Variants in PKHD1L1 observed in about 807,000 individuals in gnomAD.
PKHD1L1 encodes the protein PKHD1 like 1, also known as fibrocystin-L.
A neutral mutation model predicts 462.9 loss-of-function variants in PKHD1L1; 434 were observed. The observed-to-expected ratio is 0.94, with a 90% CI of 0.87 to 1.02. The LOEUF is 1.02. Ranked by LOEUF, PKHD1L1 falls within the 50% of genes least tolerant of loss-of-function variation. The pLI, the probability that PKHD1L1 is intolerant of heterozygous loss-of-function variation, is 0.00. For synonymous variants in PKHD1L1, 1,781 were observed against 1,750.0 expected, an observed-to-expected ratio of 1.02 and a Z score of -0.44; for missense variants, 5,202 against 5,096.1, an observed-to-expected ratio of 1.02 and a Z score of -0.63.
intron 70 of PKHD1L1, among the ~76,000 whole-genome samples, chr8:109,510,372 C>T (rs976400351): frequency 1.3e-5 from 2 of 152,112 alleles, no homozygotes; most frequent in African/African-American, 4.8e-5. Flanking sequence ...AATTCCCACT[C>T]AAGCTTATAT....
intron 58 of PKHD1L1, 32 bp downstream of exon 58, chr8:109,485,205 A>G: frequency 6.8e-7 from 1 of 1,468,410 alleles, no homozygotes; most frequent in East Asian, 2.4e-5. Context: ...AAATAGATAT[A>G]TAATTGTGTT....
intron 54 of PKHD1L1, 61 bp from the exon 55 acceptor site, chr8:109,479,930 T>C: frequency 7.0e-7 from 1 of 1,432,914 alleles, no homozygotes; most frequent in Non-Finnish European, 9.3e-7. Context: ...AGCTTGTCAA[T>C]GTTTTGCTAT....
intron 57 of PKHD1L1, among the ~76,000 whole-genome samples, chr8:109,484,698 G>A (rs150221274): frequency 1.3e-5 from 2 of 151,848 alleles, no homozygotes; most frequent in African/African-American, 4.8e-5. Flanking sequence ...AAAAACTAGG[G>A]AAAAAATTCA....
Position 109,480,200 on chromosome 8 carries a change from C to T in PKHD1L1, c.9327+61C>T, listed in dbSNP as rs115237911. 1.6e-4 allele frequency: 232 copies of T among 1,465,440 alleles called. No homozygotes were observed. In the African/African-American group the frequency reaches 3.0e-3, roughly 19 times the overall value. 90.8% of individuals were successfully genotyped at this position (1,465,440 alleles called of 1,614,324 possible). The stretch of plus-strand genomic sequence containing the variant: ...AATCTAATTCTAAAATGTGTATTTA[C>T]TCAAATAATAAGAAAGAAGCATATT... On this transcript the variant is annotated intron_variant, in intron 55 of 77. Transcript: ENST00000378402.
intron 56 of PKHD1L1, among the ~76,000 whole-genome samples, chr8:109,482,159 G>T (rs1437279771): frequency 6.6e-6 from 1 of 151,712 alleles, no homozygotes; most frequent in Non-Finnish European, 1.5e-5. Flanking sequence ...TTTTATGAAT[G>T]GTACTGCATA....
rs779047907 is a variant in PKHD1L1, at chr8:109,491,971, A to G, written c.10213A>G (p.Thr3405Ala). 6 of 1,568,130 alleles carry G rather than the reference A, an allele frequency of 3.8e-6. No individual in the cohort carries two copies. In the South Asian group the frequency reaches 5.9e-5, roughly 15 times the overall value. The stretch of plus-strand genomic sequence containing the variant: ...TCAGAACAGAAAAGATTTAAGTTCA[A>G]CTCTCTGGCATGCAGCAATTGAGGT... ...TYQNRKDLSS[T>A]LWHAAIEINR... The change falls in exon 62 of 78, where the codon ACT (threonine) becomes GCT (alanine). Residue 3405 changes from threonine (T) to alanine (A), a missense_variant. By Grantham distance (58) the Thr-to-Ala change is moderately conservative (BLOSUM62 0). Transcript: ENST00000378402.
intron 8 of PKHD1L1, 68 bp downstream of exon 8, chr8:109,389,220 T>C: frequency 4.0e-6 from 5 of 1,247,290 alleles, no homozygotes; most frequent in Non-Finnish European, 5.8e-6. Flanking sequence ...TTTTGTATTC[T>C]CCTAGACCTC....
chr8:109,436,827 G>T (rs1033599879), intron 30 of PKHD1L1, among the ~76,000 whole-genome samples: 8 of 152,162 alleles, frequency 5.3e-5, no homozygotes, highest in Admixed American at 5.2e-4. Context: ...GAATGAATGA[G>T]AGTTTACCAT....
At chr8:109,528,691 A>G (rs561875740) in intron 77 of PKHD1L1, among the ~76,000 whole-genome samples, 1 of 152,350 alleles carries the variant, frequency 6.6e-6, no homozygotes, top group African/African-American at 2.4e-5. Context: ...TTGTGTTTAT[A>G]TCATTATTAT....
rs145517608 is a variant in PKHD1L1 at position 109,390,101 on chromosome 8, C to T, written c.698-351C>T. Among the ~76,000 whole-genome samples the T allele has an allele frequency of 6.5e-3, 983 of 152,230 alleles. 7 individuals are homozygous for T. Among genetic ancestry groups the T allele is most frequent in the Middle Eastern group, 0.051 (15 of 294 alleles). On this transcript the variant is annotated intron_variant, in intron 8 of 77. Transcript: ENST00000378402. ...AAGCTGTGTGCTCACCCCACATCTG[C>T]TCTCTCAGCCTCTAGCAGAGTGTCT...
intron 71 of PKHD1L1, among the ~76,000 whole-genome samples, chr8:109,514,315 T>A (rs758653432): frequency 2.0e-5 from 3 of 152,190 alleles, no homozygotes; most frequent in Non-Finnish European, 4.4e-5. Flanking sequence ...TTTTCTTTTC[T>A]CCACAGGATT....
chr8:109,427,221 T>C, intron 25 of PKHD1L1, 65 bp downstream of exon 25: 2 of 1,246,914 alleles, frequency 1.6e-6, no homozygotes, highest in Non-Finnish European at 2.3e-6. Flanking sequence ...GACCCTGCCT[T>C]ATTCCAAAAA....
chr8:109,482,805 C>T (rs548324534), intron 56 of PKHD1L1, among the ~76,000 whole-genome samples, 182 bp from the exon 57 acceptor site: 16 of 151,490 alleles, frequency 1.1e-4, no homozygotes, highest in Non-Finnish European at 2.1e-4. Context: ...GCCAGATTTC[C>T]GGAAGTGGGT....
In PKHD1L1 at chr8:109,510,926, C is replaced by T; in HGVS notation, c.11545C>T (p.His3849Tyr). ...NLRLMLLNVD[H>Y]NKAVLVGIFF... ...TCGACTGATGTTGCTTAATGTTGATCATAACAAGGTAGGGCAAGATGTCTT... is the reference window on the plus strand; with the variant it reads ...TCGACTGATGTTGCTTAATGTTGATTATAACAAGGTAGGGCAAGATGTCTT... Residue 3849 changes from histidine to tyrosine, a missense_variant, in exon 71 of 78, where the codon CAT becomes TAT. His to Tyr is a moderately conservative substitution (Grantham distance 83). This residue lies in a region of PKHD1L1 where 698 missense variants were observed against 736.3 expected (regional missense o/e 0.95). Transcript: ENST00000378402. 1.2e-6 allele frequency: 2 copies of T among 1,612,576 alleles called. No homozygotes were observed. Among genetic ancestry groups the T allele is most frequent in the Non-Finnish European group, 1.7e-6 (2 of 1,179,132 alleles).
intron 67 of PKHD1L1, among the ~76,000 whole-genome samples, chr8:109,501,372 C>T (rs73704046): frequency 0.015 from 2,280 of 152,164 alleles, 28 homozygotes; most frequent in Middle Eastern, 0.051. Flanking sequence ...TGCAGGAGCC[C>T]GTGCCATTAG....
chr8:109,522,789 G>T lies in PKHD1L1; in HGVS notation c.12229G>T (p.Val4077Leu), dbSNP rs377196836. The change falls in exon 75 of 78, where the codon GTG (valine) becomes TTG (leucine). Residue 4077 changes from valine to leucine, a missense_variant. Val to Leu is a conservative substitution (Grantham distance 32). Coordinates refer to ENST00000378402, the MANE Select transcript of PKHD1L1 (RefSeq NM_177531.6). ...AAGGTCTGCATTTCCTGTTCATCAC[G>T]TGGCCTTCGTGTCCTCACTCTTAGT... ...VERSAFPVHH[V>L]AFVSSLLVIT... is the part of the protein sequence containing the mutation. 1 of 1,611,944 alleles carries T rather than the reference G, an allele frequency of 6.2e-7. No individual in the cohort carries two copies. Among genetic ancestry groups the T allele is most frequent in the Non-Finnish European group, 8.5e-7 (1 of 1,179,380 alleles).
chr8:109,453,790 T>C (rs1037679348), intron 43 of PKHD1L1, among the ~76,000 whole-genome samples: 4 of 152,198 alleles, frequency 2.6e-5, no homozygotes, highest in Non-Finnish European at 5.9e-5. Flanking sequence ...ATGGTTTTTA[T>C]AAACATGCTT....
intron 9 of PKHD1L1, among the ~76,000 whole-genome samples, chr8:109,394,170 C>CAAA (rs146708536): frequency 2.0e-4 from 13 of 63,706 alleles, no homozygotes; most frequent in Admixed American, 3.6e-4. Flanking sequence ...GAGACTCTGT[C>CAAA]AAAAAAAAAA....
rs772168414 is a variant in PKHD1L1 at position 109,442,081 on chromosome 8, C to T, written c.4279C>T (p.Gln1427Ter). Residue 1427 changes from glutamine (Q) to a stop codon, truncating the protein, a stop_gained, in exon 35 of 78, where the codon CAA becomes TAA. Transcript: ENST00000378402. LOFTEE classifies it high-confidence loss of function. Reference protein sequence around the residue: ...SVGDTVAWHWQTHPFLRGIGY... With the variant: ...SVGDTVAWHW ...GGGGGACACAGTGGCATGGCATTGG[C>T]AAACACATCCGTTTCTTAGAGGGAT... 1.2e-6 allele frequency: 2 copies of T among 1,613,482 alleles called. No individual in the cohort carries two copies. Among genetic ancestry groups the T allele is most frequent in the Non-Finnish European group, 1.7e-6 (2 of 1,179,586 alleles).
Sources: allele counts gnomAD v4.1 joint callset (sites outside exome capture counted in the v4.1 genomes callset), GRCh38; gene constraint gnomAD v4.1.1; regional missense constraint gnomAD v4.1.1; transcripts MANE v1.5; gene names NCBI Gene and HGNC (gene_info 2026-07-23, HGNC 2026-07-21).